The following KCNH7 variants were observed in gnomAD, a reference collection of about 807,000 sequenced individuals.
The protein encoded by KCNH7 is potassium voltage-gated channel subfamily H member 7.
A neutral mutation model predicts 120.8 loss-of-function variants in KCNH7; 49 were observed. That is an observed-to-expected ratio of 0.41 (90% CI 0.32 to 0.51). KCNH7 has a LOEUF of 0.51. Among genes scored for constraint, KCNH7 ranks in the 20% least tolerant of loss-of-function variants. KCNH7 has a pLI of 0.38. For missense variants in KCNH7, 1,097 were observed against 1,446.6 expected (o/e 0.76, Z 3.92); for synonymous variants, 547 against 516.1 (o/e 1.06, Z -0.81).
intron 2 of KCNH7, among the ~76,000 whole-genome samples, chr2:162,712,002 C>T (rs1011447603): frequency 2.0e-5 from 3 of 152,208 alleles, no homozygotes; most frequent in South Asian, 2.1e-4. Flanking sequence ...CATTGTTATG[C>T]GCTTAGGATG....
intron 2 of KCNH7, among the ~76,000 whole-genome samples, chr2:162,573,284 A>C (rs568865342): frequency 6.6e-6 from 1 of 152,106 alleles, no homozygotes; most frequent in African/African-American, 2.4e-5. Context: ...GTGTGAGAAC[A>C]TCAAGGGTAA....
chr2:162,633,592 C>A (rs997134513), intron 2 of KCNH7, among the ~76,000 whole-genome samples: 12 of 151,698 alleles, frequency 7.9e-5, no homozygotes, highest in African/African-American at 2.9e-4. Context: ...TTATATAAAC[C>A]CTTAATCCAT....
At chr2:162,710,702 T>C (rs1686897430) in intron 2 of KCNH7, among the ~76,000 whole-genome samples, 1 of 152,158 alleles carries the variant, frequency 6.6e-6, no homozygotes, top group Non-Finnish European at 1.5e-5. Context: ...TATCAAGGAT[T>C]CCAGGGAACA....
chr2:162,605,663 T>C (rs1023099129), intron 2 of KCNH7, among the ~76,000 whole-genome samples: 1 of 152,164 alleles, frequency 6.6e-6, no homozygotes, highest in Non-Finnish European at 1.5e-5. Flanking sequence ...GTGATAGATG[T>C]GAGTACTAAA....
At chr2:162,375,618 C>CCAT (rs1259937890) in intron 14 of KCNH7, among the ~76,000 whole-genome samples, 13 of 152,144 alleles carry the variant, frequency 8.5e-5, no homozygotes, top group African/African-American at 2.4e-4. Context: ...TGACAAGGGT[C>CCAT]TGTTAGCTTA....
At chr2:162,376,402 G>C (rs1371766863) in intron 14 of KCNH7, among the ~76,000 whole-genome samples, 1 of 144,374 alleles carries the variant, frequency 6.9e-6, no homozygotes, top group Non-Finnish European at 1.5e-5. Context: ...GTCTTGCTCT[G>C]TCGCCCAGGC....
At chr2:162,505,969 GT>G (rs1251166950) in intron 5 of KCNH7, among the ~76,000 whole-genome samples, 2 of 151,840 alleles carry the variant, frequency 1.3e-5, no homozygotes, top group Non-Finnish European at 2.9e-5. Context: ...TTTGTTCATA[GT>G]CACTATGGGG....
intron 2 of KCNH7, among the ~76,000 whole-genome samples, chr2:162,571,173 A>G (rs1266519828): frequency 6.6e-6 from 1 of 152,004 alleles, no homozygotes; most frequent in East Asian, 1.9e-4. Context: ...AAATCTCCTA[A>G]AGCTGATAAG....
At chr2:162,557,016 C>T (rs1692879181) in intron 2 of KCNH7, among the ~76,000 whole-genome samples, 1 of 152,174 alleles carries the variant, frequency 6.6e-6, no homozygotes, top group Non-Finnish European at 1.5e-5. Flanking sequence ...CAAACCACCT[C>T]AACACTTAGT....
intron 2 of KCNH7, among the ~76,000 whole-genome samples, chr2:162,673,060 A>G: frequency 6.6e-6 from 1 of 152,102 alleles, no homozygotes; most frequent in East Asian, 1.9e-4. Context: ...ACTTTATAAT[A>G]GTTCCACATG....
chr2:162,537,483 T>C (rs911075385), intron 2 of KCNH7, among the ~76,000 whole-genome samples: 11 of 152,100 alleles, frequency 7.2e-5, no homozygotes, highest in African/African-American at 2.7e-4. Flanking sequence ...AGGCAACTCA[T>C]GTCATCTTGA....
At chr2:162,685,266 G>T (rs1685848661) in intron 2 of KCNH7, among the ~76,000 whole-genome samples, 1 of 151,922 alleles carries the variant, frequency 6.6e-6, no homozygotes, top group Non-Finnish European at 1.5e-5. Context: ...GATGGGTGCA[G>T]CAAACCACCA....
At chr2:162,731,148 T>C (rs1216617398) in intron 2 of KCNH7, among the ~76,000 whole-genome samples, 1 of 150,730 alleles carries the variant, frequency 6.6e-6, no homozygotes, top group East Asian at 1.9e-4. Flanking sequence ...ATGGAAAAAA[T>C]AAAGTAGAGA....
intron 2 of KCNH7, among the ~76,000 whole-genome samples, chr2:162,673,680 A>G (rs548099563): frequency 1.3e-5 from 2 of 152,214 alleles, no homozygotes; most frequent in South Asian, 4.1e-4. Flanking sequence ...CAATCCATAT[A>G]TATTTGACAT....
chr2:162,748,931 C>T (rs968905593), intron 2 of KCNH7, among the ~76,000 whole-genome samples: 42 of 45,200 alleles, frequency 9.3e-4, no homozygotes, highest in Non-Finnish European at 1.4e-3. Flanking sequence ...CTTTCCTTTC[C>T]TTCCTTCCTT....
chr2:162,373,171 C>T (rs1055076474), intron 15 of KCNH7, among the ~76,000 whole-genome samples: 1 of 152,090 alleles, frequency 6.6e-6, no homozygotes, highest in Non-Finnish European at 1.5e-5. Flanking sequence ...CAAAGCTCTA[C>T]CACATGTAAA....
chr2:162,432,571 T>G (rs1688106310), intron 8 of KCNH7, among the ~76,000 whole-genome samples: 1 of 152,202 alleles, frequency 6.6e-6, no homozygotes, highest in Admixed American at 6.6e-5. Flanking sequence ...AAGGATGATG[T>G]TCTTTTTGAA....
At chr2:162,518,190 T>C (rs748202905) in intron 3 of KCNH7, 32 bp from the exon 4 acceptor site, 14 of 1,497,304 alleles carry the variant, frequency 9.4e-6, no homozygotes, top group Non-Finnish European at 1.2e-5. Flanking sequence ...AGCATTATTA[T>C]AAGGCAAATG....
chr2:162,464,851 G>A (rs937582528), intron 6 of KCNH7, among the ~76,000 whole-genome samples: 2 of 152,074 alleles, frequency 1.3e-5, no homozygotes, highest in African/African-American at 4.8e-5. Context: ...AAGGGACTCT[G>A]TTCTATGTTG....
Sources: gnomAD v4.1 joint callset for allele counts (sites outside exome capture counted in the v4.1 genomes callset) on GRCh38, gnomAD v4.1.1 for gene constraint, MANE v1.5 for transcripts, NCBI Gene and HGNC (gene_info 2026-07-23, HGNC 2026-07-21) for gene names.